The following RXRA variants were observed in gnomAD, a reference collection of about 807,000 sequenced individuals.
RXRA encodes retinoid X receptor alpha.
In RXRA, 5 loss-of-function variants were observed where a neutral mutation model predicts 44.5. The ratio of observed to expected loss-of-function variants is 0.11; its 90% CI spans 0.06 to 0.24. The LOEUF (loss-of-function observed/expected upper bound fraction) is 0.24. Among genes scored for constraint, RXRA ranks in the 10% least tolerant of loss-of-function variants. The pLI is 1.00. For synonymous variants in RXRA, 291 were observed against 271.4 expected (o/e 1.07, Z -0.71); for missense variants, 412 against 646.5 (o/e 0.64, Z 3.93).
At chr9:134,400,923 G>T (rs574494254) in intron 1 of RXRA, among the ~76,000 whole-genome samples, 2 of 152,302 alleles carry the variant, frequency 1.3e-5, no homozygotes, top group African/African-American at 4.8e-5. Flanking sequence ...CTAGGGGCCT[G>T]AGCGTCCGGT....
chr9:134,362,785 G>A lies in RXRA; in HGVS notation c.28+36126G>A, dbSNP rs1564270189. On this transcript the variant is annotated intron_variant, in intron 1 of 9. Coordinates refer to ENST00000481739, the MANE Select transcript of RXRA (RefSeq NM_002957.6). ...TCGGCCCCTCATGTGGTCCCGGTCA[G>A]CTCCCAGCTGGAGTGAACACTTGGC... Among the ~76,000 whole-genome samples, 3 of 152,366 alleles carry A rather than the reference G, an allele frequency of 2.0e-5. No homozygotes were observed. In the South Asian group the frequency reaches 6.2e-4, roughly 32 times the overall value.
chr9:134,429,886 C>G (rs1831502336), intron 7 of RXRA, among the ~76,000 whole-genome samples: 1 of 152,044 alleles, frequency 6.6e-6, no homozygotes, highest in East Asian at 1.9e-4. Flanking sequence ...CCTGTCTCTG[C>G]ACAGCCTTTT....
At chr9:134,386,126 G>A (rs1469126247) in intron 1 of RXRA, among the ~76,000 whole-genome samples, 6 of 152,254 alleles carry the variant, frequency 3.9e-5, no homozygotes, top group African/African-American at 1.4e-4. Context: ...GCCAGCATGA[G>A]CACCACTTGC....
In RXRA at chr9:134,426,849, G is replaced by A; in HGVS notation, c.911-2259G>A. On this transcript the variant is annotated intron_variant, in intron 6 of 9. Transcript: ENST00000481739. This position sits in a 1 kb window ranked among gnomAD's most constrained non-coding sequence, Gnocchi z 4.6. ...GCCCAGATCTTGTCCTCGGCCCCCT[G>A]GGTCCCTGCCCTTGGCCACAGGAAG... The A allele has an allele frequency of 2.0e-6, 2 of 985,396 alleles. No individual in the cohort carries two copies. Among genetic ancestry groups the A allele is most frequent in the South Asian group, 4.7e-5 (1 of 21,288 alleles). The allele number at this position is 985,396 out of a possible 1,614,324, so 61.0% of individuals were successfully genotyped here.
At chr9:134,401,408 G>A (rs2119140842) in intron 1 of RXRA, 1 of 666,724 alleles carries the variant, frequency 1.5e-6, no homozygotes, top group East Asian at 2.8e-5. Flanking sequence ...CCAGCCTAAA[G>A]CCGGGGTCAG....
At chr9:134,340,983 G>A (rs1830078836) in intron 1 of RXRA, among the ~76,000 whole-genome samples, 1 of 152,242 alleles carries the variant, frequency 6.6e-6, no homozygotes, top group Non-Finnish European at 1.5e-5. Flanking sequence ...AGAGCGGCAT[G>A]GCTGGCAAGC....
intron 1 of RXRA, 137 bp from the exon 2 acceptor site, chr9:134,401,495 T>A (rs1480290256): frequency 7.2e-7 from 1 of 1,380,604 alleles, no homozygotes; most frequent in Non-Finnish European, 1.0e-6. Context: ...CAGAGAGCTG[T>A]CGAGACCCAC....
chr9:134,339,594 C>G (rs1484874317), intron 1 of RXRA, among the ~76,000 whole-genome samples: 1 of 135,222 alleles, frequency 7.4e-6, no homozygotes, highest in Non-Finnish European at 1.6e-5. Context: ...TGTGTGTGAG[C>G]CTGTGCGTGT....
intron 9 of RXRA, among the ~76,000 whole-genome samples, chr9:134,435,337 C>A (rs1367966871): frequency 6.6e-6 from 1 of 152,174 alleles, no homozygotes; most frequent in East Asian, 1.9e-4. Context: ...AGCTGCTGCC[C>A]TCATGCCTGG....
chr9:134,393,523 G>A (rs763440948), intron 1 of RXRA, among the ~76,000 whole-genome samples: 84 of 152,334 alleles, frequency 5.5e-4, no homozygotes, highest in Admixed American at 2.2e-3. Context: ...CCCTGCCAGC[G>A]TGGTGGGTGA....
chr9:134,387,203 C>T (rs965816772), intron 1 of RXRA, among the ~76,000 whole-genome samples: 6 of 152,244 alleles, frequency 3.9e-5, no homozygotes, highest in African/African-American at 9.6e-5. Context: ...CCGGCCGCTC[C>T]GCCCTGCCCG....
chr9:134,410,413 C>G (rs1473827129), intron 4 of RXRA, among the ~76,000 whole-genome samples: 2 of 152,240 alleles, frequency 1.3e-5, no homozygotes, highest in Non-Finnish European at 2.9e-5. Flanking sequence ...GCCCTGGCCC[C>G]CATCCAGACC....
chr9:134,383,002 T>C (rs1830668785), intron 1 of RXRA, among the ~76,000 whole-genome samples: 1 of 152,186 alleles, frequency 6.6e-6, no homozygotes, highest in South Asian at 2.1e-4. Context: ...GCAGTGGGAC[T>C]GGAGCCACCT....
At chr9:134,370,409 C>T (rs530859977) in intron 1 of RXRA, among the ~76,000 whole-genome samples, 2 of 152,200 alleles carry the variant, frequency 1.3e-5, no homozygotes, top group African/African-American at 2.4e-5. Flanking sequence ...TGTGTGCAGA[C>T]GAGGCTCCTC....
chr9:134,409,494 G>A (rs922268136), intron 4 of RXRA, among the ~76,000 whole-genome samples: 2 of 152,242 alleles, frequency 1.3e-5, no homozygotes, highest in African/African-American at 2.4e-5. Context: ...CCGCAGGGCC[G>A]CCGGATGGCC....
intron 9 of RXRA, among the ~76,000 whole-genome samples, chr9:134,435,232 G>A (rs1831598680): frequency 6.6e-6 from 1 of 152,238 alleles, no homozygotes; most frequent in South Asian, 2.1e-4. Flanking sequence ...GGGGCCGTGT[G>A]GAGAGACTCA....
At chr9:134,360,500 TGGTATCA>T (rs1715704669) in intron 1 of RXRA, among the ~76,000 whole-genome samples, 2 of 152,224 alleles carry the variant, frequency 1.3e-5, no homozygotes, top group Admixed American at 1.3e-4. Context: ...TCTGAAGGAC[TGGTATCA>T]GGAGACAGTG....
chr9:134,379,760 G>T (rs1443606687), intron 1 of RXRA: 7 of 985,382 alleles, frequency 7.1e-6, no homozygotes, highest in Non-Finnish European at 7.2e-6. Context: ...TGTGCCTGTG[G>T]TCTGTAGGGA....
At position 134,331,491 on chromosome 9, in the gene RXRA, C is replaced by T. The variant is rs1387884203; in HGVS notation, c.28+4832C>T. On this transcript the variant is annotated intron_variant, in intron 1 of 9. Coordinates refer to ENST00000481739, the MANE Select transcript of RXRA (RefSeq NM_002957.6). Reference sequence around the variant, plus strand: ...GCGCTGTTGGCCGCTGGCCCGTGTCCTGGCGTGCCCGTGAGTGAGCCAGGC... The same window carrying T: ...GCGCTGTTGGCCGCTGGCCCGTGTCTTGGCGTGCCCGTGAGTGAGCCAGGC... Among the ~76,000 whole-genome samples the T allele has an allele frequency of 2.0e-5, 3 of 152,256 alleles. No individual in the cohort carries two copies. In the East Asian group the frequency reaches 5.8e-4, roughly 29 times the overall value.
Sources: gnomAD v4.1 joint callset for allele counts (sites outside exome capture counted in the v4.1 genomes callset) on GRCh38, gnomAD v4.1.1 for gene constraint, Gnocchi (gnomAD v3.1) non-coding constraint, MANE v1.5 for transcripts, NCBI Gene and HGNC (gene_info 2026-07-23, HGNC 2026-07-21) for gene names.